The following LRRC61 variants were observed in gnomAD, a reference collection of about 807,000 sequenced individuals.
The protein encoded by LRRC61 is leucine rich repeat containing 61.
Under a neutral mutation model 15.1 loss-of-function variants are expected in LRRC61, and 9 were observed. That is an observed-to-expected ratio of 0.60 (90% CI 0.36 to 1.04). LRRC61 has a LOEUF of 1.04. LRRC61 is among the 50% of genes least tolerant of loss of function. LRRC61 has a pLI of 0.01. For synonymous variants in LRRC61, 173 were observed against 158.6 expected (o/e 1.09, Z -0.68); for missense variants, 344 against 335.6 (o/e 1.03, Z -0.20).
chr7:150,320,231 T>C (rs1408916043), upstream of LRRC61, among the ~76,000 whole-genome samples: 1 of 152,244 alleles, frequency 6.6e-6, no homozygotes, highest in African/African-American at 2.4e-5. Context: ...AATGGTTTAT[T>C]AGAAACTAAT....
rs1798090060 is a variant in LRRC61 at position 150,330,950 on chromosome 7, G to C, written c.-145+4940G>C. On this transcript the variant is annotated intron_variant, in intron 2 of 2. Transcript: ENST00000359623. The surrounding 1 kb of genome is among the most constrained non-coding windows in gnomAD (Gnocchi z 4.6). ...GGCTGCTGGCCTCTGAGAGAAGCGG[G>C]GGCTCGCTGTCCACCAAGAGCCACT... The C allele has an allele frequency of 6.2e-7, 1 of 1,612,078 alleles. No homozygotes were observed. The highest frequency in any genetic ancestry group is 1.3e-5 in the African/African-American group (1 of 74,884).
At chr7:150,324,020 A>C (rs900493862) in intron 1 of LRRC61, among the ~76,000 whole-genome samples, 4 of 152,208 alleles carry the variant, frequency 2.6e-5, no homozygotes, top group African/African-American at 9.7e-5. Flanking sequence ...TATTATTTAA[A>C]ACATCTTGCT....
rs1379585814 is a variant in LRRC61 at position 150,337,463 on chromosome 7, A to G, written c.602A>G (p.Glu201Gly). ...GCCACCGAGGCCCAGCCCTGGGTGG[A>G]GCCAGGCTACTGGGAGTCCTGGCCC... ...PRATEAQPWV[E>G]PGYWESWPSR... The change falls in exon 3 of 3, where the codon GAG (glutamate) becomes GGG (glycine). Residue 201 changes from glutamate to glycine, a missense_variant. Glu to Gly is a moderately conservative substitution (Grantham distance 98). Coordinates refer to ENST00000359623, the MANE Select transcript of LRRC61 (RefSeq NM_001142928.2). The G allele has an allele frequency of 1.9e-6, 3 of 1,603,606 alleles. No homozygotes were observed. Among genetic ancestry groups the G allele is most frequent in the East Asian group, 4.5e-5 (2 of 44,854 alleles).
At chr7:150,317,189 T>C in the LRRC61 span, among the ~76,000 whole-genome samples, 2 of 151,954 alleles carry the variant, frequency 1.3e-5, no homozygotes, top group Non-Finnish European at 2.9e-5. Context: ...GTAGCTGGGA[T>C]TACAGGCGTG....
In LRRC61 at chr7:150,336,873, A is replaced by G. The variant is rs1379104568; in HGVS notation, c.12A>G (p.Pro4=). 6.2e-7 allele frequency: 1 copy of G among 1,612,364 alleles called. No homozygotes were observed. Among genetic ancestry groups the G allele is most frequent in the East Asian group, 2.2e-5 (1 of 44,872 alleles). The change falls in exon 3 of 3, where the codon CCA becomes CCG. Residue 4 remains proline (P), a synonymous_variant. Coordinates refer to ENST00000359623, the MANE Select transcript of LRRC61 (RefSeq NM_001142928.2). ...CCGACTTCCATCTCATGGACCCTCC[A>G]GCGGAGAAGCCGGGAGAGGCTGGCG... is the stretch of plus-strand genomic sequence containing the variant. The part of the protein sequence containing the change: MDP[P]AEKPGEAGGL...
chr7:150,337,227 G>A lies in LRRC61; in HGVS notation c.366G>A (p.Pro122=), dbSNP rs139137430. The A allele has an allele frequency of 5.9e-5, 95 of 1,604,804 alleles. No individual in the cohort carries two copies. Among genetic ancestry groups the A allele is most frequent in the African/African-American group, 4.7e-4 (35 of 75,050 alleles). The stretch of plus-strand genomic sequence containing the variant: ...AGCTGCAGTGTCTGGCTGGGCTACC[G>A]TGCCTGGAGTACCTGCGGCTCCGAG... ...PGQLQCLAGL[P]CLEYLRLRDP... Residue 122 remains proline, a synonymous_variant, in exon 3 of 3, where the codon CCG becomes CCA. Coordinates refer to ENST00000359623, the MANE Select transcript of LRRC61 (RefSeq NM_001142928.2).
At chr7:150,313,648 C>T in the LRRC61 span, among the ~76,000 whole-genome samples, 1 of 152,154 alleles carries the variant, frequency 6.6e-6, no homozygotes. Flanking sequence ...CAGTTTTTTT[C>T]ACGTTAACTT....
chr7:150,337,067 G>A lies in LRRC61; in HGVS notation c.206G>A (p.Gly69Asp). The change falls in exon 3 of 3, where the codon GGC becomes GAC. Residue 69 changes from glycine to aspartate, a missense_variant. Physicochemically the swap from Gly to Asp is moderately conservative, Grantham distance 94. Transcript: ENST00000359623. ...TCAGGCAACGCGCTCACCCACCTGG[G>A]CCCGCTGGCCTCCTTGCGCCAGCTA... The part of the protein sequence containing the change: ...DLSGNALTHL[G>D]PLASLRQLAV... The A allele has an allele frequency of 6.2e-7, 1 of 1,612,928 alleles. No individual in the cohort carries two copies. Among genetic ancestry groups the A allele is most frequent in the South Asian group, 1.1e-5 (1 of 91,076 alleles).
Position 150,337,536 on chromosome 7 carries a change from CACA to C in LRRC61, c.676_678del (p.Thr226del), listed in dbSNP as rs1447476190. 6.9e-6 allele frequency: 11 copies of C among 1,604,874 alleles called. No individual in the cohort carries two copies. The highest frequency in any genetic ancestry group is 8.5e-6 in the Non-Finnish European group (10 of 1,178,530). The stretch of plus-strand genomic sequence containing the variant: ...AGGAGGCCTGCCGGCAGTTCCAGGA[CACA>C]CTGCAGGAGTGCTGGGACCTGGACC... On this transcript the variant is annotated inframe_deletion, in exon 3 of 3. Transcript: ENST00000359623.
chr7:150,310,811 T>A, the LRRC61 span, among the ~76,000 whole-genome samples: 1 of 152,310 alleles, frequency 6.6e-6, no homozygotes, highest in Non-Finnish European at 1.5e-5. Context: ...GTTGATGAAC[T>A]TCTTCTTTGC....
chr7:150,335,366 T>G lies in LRRC61; in HGVS notation c.-144-1352T>G, dbSNP rs1323359221. ...AAAGTATATATAAATATTTGAGGTATAAATAAAAGAGAATGAGCTGGAATG... is the reference window on the plus strand; with the variant it reads ...AAAGTATATATAAATATTTGAGGTAGAAATAAAAGAGAATGAGCTGGAATG... On this transcript the variant is annotated intron_variant, in intron 2 of 2. Transcript: ENST00000359623. The surrounding 1 kb of genome is among the most constrained non-coding windows in gnomAD (Gnocchi z 4.3). 1.3e-5 allele frequency among the ~76,000 whole-genome samples: 2 copies of G among 152,132 alleles called. No homozygotes were observed. Among genetic ancestry groups the G allele is most frequent in the Non-Finnish European group, 2.9e-5 (2 of 68,036 alleles).
chr7:150,337,130 T>C lies in LRRC61; in HGVS notation c.269T>C (p.Leu90Pro), dbSNP rs768243839. 33 of 1,611,646 alleles carry C rather than the reference T, an allele frequency of 2.0e-5. No individual in the cohort carries two copies. Among genetic ancestry groups the C allele is most frequent in the Non-Finnish European group, 2.6e-5 (31 of 1,179,932 alleles). The change falls in exon 3 of 3, where the codon CTG (leucine) becomes CCG (proline). Residue 90 changes from leucine to proline, a missense_variant. Leu to Pro is a moderately conservative substitution (Grantham distance 98). Coordinates refer to ENST00000359623, the MANE Select transcript of LRRC61 (RefSeq NM_001142928.2). The stretch of plus-strand genomic sequence containing the variant: ...GTCTCCAACAATCGGCTGACGGGCC[T>C]GGAGCCACTGGCCACCTGTGAGAAC... ...LNVSNNRLTGLEPLATCENLQ... is the reference protein window; with the variant it reads ...LNVSNNRLTGPEPLATCENLQ...
rs1798197177 is a variant in LRRC61, at chr7:150,333,946, A to G, written c.-144-2772A>G. 1.0e-6 allele frequency: 1 copy of G among 985,064 alleles called. No individual in the cohort carries two copies. The highest frequency in any genetic ancestry group is 4.7e-5 in the South Asian group (1 of 21,258). 61.0% of individuals were successfully genotyped at this position (985,064 alleles called of 1,614,324 possible). On this transcript the variant is annotated intron_variant, in intron 2 of 2. Coordinates refer to ENST00000359623, the MANE Select transcript of LRRC61 (RefSeq NM_001142928.2). This position sits in a 1 kb window ranked among gnomAD's most constrained non-coding sequence, Gnocchi z 4.3. ...GAATGAGGGTTATGCACGACCCATC[A>G]CCAAGACCCAGGCCTGCATCTGGTG...
At chr7:150,316,338 C>G in the LRRC61 span, among the ~76,000 whole-genome samples, 12 of 152,310 alleles carry the variant, frequency 7.9e-5, 1 homozygote, top group South Asian at 2.5e-3. Flanking sequence ...TGCACACATA[C>G]ATAGTGTTTC....
At chr7:150,316,049 T>C in the LRRC61 span, among the ~76,000 whole-genome samples, 1 of 152,106 alleles carries the variant, frequency 6.6e-6, no homozygotes, top group African/African-American at 2.4e-5. Context: ...AATACGAAAT[T>C]AGCTGGGCAT....
upstream of LRRC61, among the ~76,000 whole-genome samples, chr7:150,318,530 A>G (rs765805147): frequency 3.3e-5 from 5 of 152,260 alleles, no homozygotes; most frequent in South Asian, 1.0e-3. Context: ...TTGGGAGGCC[A>G]AGGTGGGCGG....
the LRRC61 span, among the ~76,000 whole-genome samples, chr7:150,316,816 T>A: frequency 1.1e-3 from 174 of 152,202 alleles, 1 homozygote; most frequent in African/African-American, 4.0e-3. Context: ...CCTCTTGGAA[T>A]TTTTCCTGGG....
intron 2 of LRRC61, among the ~76,000 whole-genome samples, chr7:150,329,509 C>T (rs570865378): frequency 2.0e-5 from 3 of 152,208 alleles, no homozygotes; most frequent in South Asian, 2.1e-4. Flanking sequence ...TGCCTGTCTC[C>T]GCCACCCATT....
In LRRC61 at chr7:150,335,112, TTCC is replaced by T. The variant is rs977404037; in HGVS notation, c.-144-1599_-144-1597del. On this transcript the variant is annotated intron_variant, in intron 2 of 2. Transcript: ENST00000359623. This position sits in a 1 kb window ranked among gnomAD's most constrained non-coding sequence, Gnocchi z 4.3. ...ATTCCCCAGTCGTCCTAGGCTCTTT[TTCC>T]TCCTCCCCATTGCTTCCTGCCCTCC... Among the ~76,000 whole-genome samples the T allele has an allele frequency of 2.0e-5, 3 of 152,148 alleles. No homozygotes were observed. Among genetic ancestry groups the T allele is most frequent in the African/African-American group, 7.2e-5 (3 of 41,446 alleles).
Sources: allele counts gnomAD v4.1 joint callset (sites outside exome capture counted in the v4.1 genomes callset), GRCh38; gene constraint gnomAD v4.1.1; non-coding constraint Gnocchi (gnomAD v3.1); transcripts MANE v1.5; gene names NCBI Gene and HGNC (gene_info 2026-07-23, HGNC 2026-07-21).